STING1: variants seen among roughly 807,000 people sequenced by gnomAD.
STING1 encodes the protein stimulator of interferon genes protein.
A neutral mutation model predicts 31.6 loss-of-function variants in STING1; 19 were observed. The observed-to-expected ratio is 0.60, with a 90% CI of 0.42 to 0.88. The LOEUF is 0.88. Among genes scored for constraint, STING1 ranks in the 40% least tolerant of loss-of-function variants. The pLI is 0.00. For missense variants in STING1, 371 were observed against 483.7 expected, an observed-to-expected ratio of 0.77 and a Z score of 2.19; for synonymous variants, 200 against 208.6, an observed-to-expected ratio of 0.96 and a Z score of 0.35.
chr5:139,476,468 A>C lies in STING1; in HGVS notation c.947-14T>G. On this transcript the variant is annotated splice_polypyrimidine_tract_variant and intron_variant, in intron 7 of 7. Coordinates refer to ENST00000330794, the MANE Select transcript of STING1 (RefSeq NM_198282.4). ...CATCTGCAGGTTCTGGAACAGGGAG[A>C]TAGGGGAGAGAGTAATGAGGATCTT... The C allele has an allele frequency of 6.2e-7, 1 of 1,611,018 alleles. No homozygotes were observed. The highest frequency in any genetic ancestry group is 1.3e-5 in the African/African-American group (1 of 74,918).
In STING1 at chr5:139,482,664, C is replaced by T. The variant is rs1230237590; in HGVS notation, c.-208G>A. Reference sequence around the variant, plus strand: ...AGCCAAAGGCAGCACACACATCACACGATGATTCCCCGTCTCATATTTTTC... The same window carrying T: ...AGCCAAAGGCAGCACACACATCACATGATGATTCCCCGTCTCATATTTTTC... On this transcript the variant is annotated 5_prime_UTR_variant, in exon 1 of 8. The change creates a new upstream start codon in the 5' untranslated region. Transcript: ENST00000330794. 6.6e-6 allele frequency: 1 copy of T among 152,304 alleles called. No individual in the cohort carries two copies. The highest frequency in any genetic ancestry group is 1.5e-5 in the Non-Finnish European group (1 of 68,092). 9.4% of individuals were successfully genotyped at this position (152,304 alleles called of 1,614,324 possible).
intron 7 of STING1, among the ~76,000 whole-genome samples, chr5:139,476,700 T>A (rs1751670612): frequency 6.6e-6 from 1 of 151,970 alleles, no homozygotes; most frequent in South Asian, 2.1e-4. Context: ...AGGTCAGGAA[T>A]TCAAGACCAG....
rs1159205253 is a variant in STING1, at chr5:139,476,518, AG to A, written c.947-65del. The A allele has an allele frequency of 4.0e-6, 6 of 1,486,030 alleles. No individual in the cohort carries two copies. In the African/African-American group the frequency reaches 8.3e-5, roughly 21 times the overall value. The allele number at this position is 1,486,030 out of a possible 1,614,324, so 92.1% of individuals were successfully genotyped here. ...TACCCATTCCCACTCAAACATACCTAGAGAACTTGCTGGGAAGATCCCCTAA... is the reference window on the plus strand; with the variant it reads ...TACCCATTCCCACTCAAACATACCTAAGAACTTGCTGGGAAGATCCCCTAA... On this transcript the variant is annotated intron_variant, in intron 7 of 7. Coordinates refer to ENST00000330794, the MANE Select transcript of STING1 (RefSeq NM_198282.4).
chr5:139,476,120 T>G lies in STING1; in HGVS notation c.*141A>C. On this transcript the variant is annotated 3_prime_UTR_variant, in exon 8 of 8. Transcript: ENST00000330794. ...CTGGCCCAAGGGGACAAGACGCATC[T>G]TAAGATGTCAAGTCCTGGACCCTTC... 1 of 649,232 alleles carries G rather than the reference T, an allele frequency of 1.5e-6. No individual in the cohort carries two copies. Among genetic ancestry groups the G allele is most frequent in the South Asian group, 2.2e-5 (1 of 46,416 alleles). 40.2% of individuals were successfully genotyped at this position (649,232 alleles called of 1,614,324 possible).
chr5:139,481,883 T>C lies in STING1; in HGVS notation c.1-179A>G. ...TGGGAATAAGTCACCCCAAAGCTCCTGTCTCAGCGAGGTTTGCTGAAAACA... is the reference window on the plus strand; with the variant it reads ...TGGGAATAAGTCACCCCAAAGCTCCCGTCTCAGCGAGGTTTGCTGAAAACA... On this transcript the variant is annotated intron_variant, in intron 2 of 7. Transcript: ENST00000330794. The surrounding 1 kb of genome is among the most constrained non-coding windows in gnomAD (Gnocchi z 4.1). 1 of 592,062 alleles carries C rather than the reference T, an allele frequency of 1.7e-6. No homozygotes were observed. The highest frequency in any genetic ancestry group is 2.2e-5 in the South Asian group (1 of 45,040). 36.7% of individuals were successfully genotyped at this position (592,062 alleles called of 1,614,324 possible).
At chr5:139,477,112 C>G (rs1489380549) in intron 7 of STING1, among the ~76,000 whole-genome samples, 1 of 152,030 alleles carries the variant, frequency 6.6e-6, no homozygotes, top group East Asian at 1.9e-4. Context: ...AAGTGAGAGG[C>G]CCCTAGAACC....
Position 139,482,582 on chromosome 5 carries a change from C to G in STING1, c.-126G>C, listed in dbSNP as rs1751893251. On this transcript the variant is annotated 5_prime_UTR_variant, in exon 1 of 8. Coordinates refer to ENST00000330794, the MANE Select transcript of STING1 (RefSeq NM_198282.4). ...ACAGCTCTGAACAGCGGGTTCCCCTCAAGCCACCACGATCAAACACACTGT... is the reference window on the plus strand; with the variant it reads ...ACAGCTCTGAACAGCGGGTTCCCCTGAAGCCACCACGATCAAACACACTGT... 6.6e-6 allele frequency: 1 copy of G among 152,302 alleles called. No homozygotes were observed. The highest frequency in any genetic ancestry group is 2.4e-5 in the African/African-American group (1 of 41,434). The allele number at this position is 152,302 out of a possible 1,614,324, so 9.4% of individuals were successfully genotyped here. A position where few individuals can be genotyped will look rare whatever the true frequency, so the allele number is the denominator to read the frequency against.
At chr5:139,478,582 C>A in intron 5 of STING1, 74 bp from the exon 6 acceptor site, 1 of 1,303,230 alleles carries the variant, frequency 7.7e-7, no homozygotes. Flanking sequence ...AGACCCAGGT[C>A]ATTGGCCCCC....
At position 139,476,223 on chromosome 5, in the gene STING1, G is replaced by A; in HGVS notation, c.*38C>T. On this transcript the variant is annotated 3_prime_UTR_variant, in exon 8 of 8. Coordinates refer to ENST00000330794, the MANE Select transcript of STING1 (RefSeq NM_198282.4). ...AAGAGAGCCCCCAGTCCAGAGGCTTGGAGACCACTGGAGGCTCTGGCCTGG... is the reference window on the plus strand; with the variant it reads ...AAGAGAGCCCCCAGTCCAGAGGCTTAGAGACCACTGGAGGCTCTGGCCTGG... The A allele has an allele frequency of 6.7e-7, 1 of 1,490,830 alleles. No individual in the cohort carries two copies. Among genetic ancestry groups the A allele is most frequent in the Non-Finnish European group, 9.1e-7 (1 of 1,096,236 alleles). 92.4% of individuals were successfully genotyped at this position (1,490,830 alleles called of 1,614,324 possible).
chr5:139,479,682 A>T (rs1751777089), intron 5 of STING1, among the ~76,000 whole-genome samples: 1 of 149,778 alleles, frequency 6.7e-6, no homozygotes, highest in African/African-American at 2.5e-5. Flanking sequence ...AGCCCGGGTG[A>T]AAAAGTGAAA....
rs746371007 is a variant in STING1, at chr5:139,477,514, GCC to G, written c.760-1_760del. 98 of 1,613,100 alleles carry G rather than the reference GCC, an allele frequency of 6.1e-5. No individual in the cohort carries two copies. The African/African-American group carries it at 1.1e-3, about 18-fold the overall frequency. ...GGCGTACTCCAGGACACAGGTGCCCGCCTAGAGGAGGTAAGAGGAAGACCAGA... is the reference window on the plus strand; with the variant it reads ...GGCGTACTCCAGGACACAGGTGCCCGTAGAGGAGGTAAGAGGAAGACCAGA... On this transcript the variant is annotated splice_acceptor_variant and coding_sequence_variant, in exon 7 of 8. Transcript: ENST00000330794. LOFTEE classifies it high-confidence loss of function.
rs773415324 is a variant in STING1 at position 139,477,509 on chromosome 5, T to A, written c.766A>T (p.Thr256Ser). The stretch of plus-strand genomic sequence containing the variant: ...GGGGTGGCGTACTCCAGGACACAGG[T>A]GCCCGCCTAGAGGAGGTAAGAGGAA... ...ELLENGQRAG[T>S]CVLEYATPLQ... The change falls in exon 7 of 8, where the codon ACC (threonine) becomes TCC (serine). Residue 256 changes from threonine (T) to serine (S), a missense_variant. Coordinates refer to ENST00000330794, the MANE Select transcript of STING1 (RefSeq NM_198282.4). The A allele has an allele frequency of 6.1e-5, 98 of 1,613,542 alleles. No individual in the cohort carries two copies. The African/African-American group carries it at 1.1e-3, about 18-fold the overall frequency.
At position 139,481,600 on chromosome 5, in the gene STING1, C is replaced by G. The variant is rs755029181; in HGVS notation, c.105G>C (p.Gly35=). The G allele has an allele frequency of 4.3e-6, 7 of 1,613,684 alleles. No homozygotes were observed. The Admixed American group carries it at 8.3e-5, about 19-fold the overall frequency. ...GAGTGTGCTCTGGTGGCTCTCCTAG[C>G]CCCCAAAGGGTCACCAGGCAGGCAC... The part of the protein sequence containing the change: ...LLSACLVTLW[G]LGEPPEHTLR... The change falls in exon 3 of 8, where the codon GGG becomes GGC. Residue 35 remains glycine (G), a synonymous_variant. Transcript: ENST00000330794. This position sits in a 1 kb window ranked among gnomAD's most constrained non-coding sequence, Gnocchi z 4.1.
intron 5 of STING1, among the ~76,000 whole-genome samples, chr5:139,479,701 T>TAAA (rs79747590): frequency 1.6e-5 from 2 of 123,190 alleles, no homozygotes; most frequent in Non-Finnish European, 3.4e-5. Flanking sequence ...AACTCCATCT[T>TAAA]AAAAAAAAAA....
At chr5:139,478,144 C>T (rs1751716710) in intron 6 of STING1, 126 bp downstream of exon 6, 1 of 734,978 alleles carries the variant, frequency 1.4e-6, no homozygotes, top group South Asian at 1.7e-5. Flanking sequence ...CCTGCCCAGA[C>T]CTGGGACCAG....
chr5:139,475,977 A>G lies in STING1; in HGVS notation c.*284T>C, dbSNP rs1751646900. On this transcript the variant is annotated 3_prime_UTR_variant, in exon 8 of 8. Coordinates refer to ENST00000330794, the MANE Select transcript of STING1 (RefSeq NM_198282.4). ...ACACCCCCTAAGTACACTAGCATCC[A>G]AAGTTTATGAAAAACTTCCACACAC... 1 of 339,926 alleles carries G rather than the reference A, an allele frequency of 2.9e-6. No individual in the cohort carries two copies. The highest frequency in any genetic ancestry group is 5.5e-6 in the Non-Finnish European group (1 of 183,114). 21.1% of individuals were successfully genotyped at this position (339,926 alleles called of 1,614,324 possible). A position where few individuals can be genotyped will look rare whatever the true frequency, so the allele number is the denominator to read the frequency against.
At position 139,478,439 on chromosome 5, in the gene STING1, C is replaced by T. The variant is rs760564156; in HGVS notation, c.590G>A (p.Arg197Gln). 27 of 1,614,046 alleles carry T rather than the reference C, an allele frequency of 1.7e-5. No individual in the cohort carries two copies. The East Asian group carries it at 3.3e-4, about 20-fold the overall frequency. Reference sequence around the variant, plus strand: ...GTCCAATGGGAGGAGAATATACAGCCGCTGGCTCACTGCACCCCGTAGCAG... The same window carrying T: ...GTCCAATGGGAGGAGAATATACAGCTGCTGGCTCACTGCACCCCGTAGCAG... ...NNLLRGAVSQ[R>Q]LYILLPLDCG... Residue 197 changes from arginine (R) to glutamine (Q), a missense_variant, in exon 6 of 8, where the codon CGG (arginine) becomes CAG (glutamine). Physicochemically the swap from Arg to Gln is conservative, Grantham distance 43. Transcript: ENST00000330794.
At chr5:139,479,894 G>A (rs1009447568) in intron 5 of STING1, among the ~76,000 whole-genome samples, 3 of 145,268 alleles carry the variant, frequency 2.1e-5, no homozygotes, top group Non-Finnish European at 4.5e-5. Context: ...CGGTGGCAGG[G>A]ACCTGTAATT....
Position 139,481,090 on chromosome 5 carries a change from A to C in STING1, c.411+69T>G. 6.7e-7 allele frequency: 1 copy of C among 1,497,780 alleles called. No homozygotes were observed. Among genetic ancestry groups the C allele is most frequent in the Non-Finnish European group, 9.3e-7 (1 of 1,076,454 alleles). 92.8% of individuals were successfully genotyped at this position (1,497,780 alleles called of 1,614,324 possible). A position where few individuals can be genotyped will look rare whatever the true frequency, so the allele number is the denominator to read the frequency against. Reference sequence around the variant, plus strand: ...TAAACCAGTCCCACTCCCAGTACTCAGCTCAGGGCAGGTCACACCAGCCAC... The same window carrying C: ...TAAACCAGTCCCACTCCCAGTACTCCGCTCAGGGCAGGTCACACCAGCCAC... On this transcript the variant is annotated intron_variant, in intron 4 of 7. Coordinates refer to ENST00000330794, the MANE Select transcript of STING1 (RefSeq NM_198282.4). The surrounding 1 kb of genome is among the most constrained non-coding windows in gnomAD (Gnocchi z 4.1).
Sources: allele counts gnomAD v4.1 joint callset (sites outside exome capture counted in the v4.1 genomes callset), GRCh38; gene constraint gnomAD v4.1.1; non-coding constraint Gnocchi (gnomAD v3.1); transcripts MANE v1.5; gene names NCBI Gene and HGNC (gene_info 2026-07-23, HGNC 2026-07-21).